Variants in FAAH2 observed in about 807,000 individuals in gnomAD.
FAAH2 encodes fatty acid amide hydrolase 2, also known as fatty-acid amide hydrolase 2.
A neutral mutation model predicts 36.9 loss-of-function variants in FAAH2; 60 were observed. That is an observed-to-expected ratio of 1.63 (90% confidence interval 1.32 to 2.02). The LOEUF (loss-of-function observed/expected upper bound fraction) is 2.02. Ranked by LOEUF, FAAH2 falls within the 30% of genes most tolerant of loss-of-function variation. The pLI, the probability that FAAH2 is intolerant of heterozygous loss-of-function variation, is 0.00. For missense variants in FAAH2, 689 were observed against 397.5 expected (o/e 1.73, Z -6.23); for synonymous variants, 214 against 143.8 (o/e 1.49, Z -3.49).
the FAAH2 span, among the ~76,000 whole-genome samples, chrX:57,208,585 G>A: frequency 2.7e-5 from 3 of 111,664 alleles, no homozygotes; most frequent in South Asian, 7.6e-4. Flanking sequence ...ACTCAGCAGC[G>A]CTAGAGGAAT....
the FAAH2 span, among the ~76,000 whole-genome samples, chrX:57,270,884 A>G: frequency 1.8e-5 from 2 of 112,191 alleles, no homozygotes; most frequent in Non-Finnish European, 3.8e-5. Flanking sequence ...GGTTTCAAGC[A>G]CAAAACTGGG....
chrX:57,488,326 A>T (rs2057511185), intron 10 of FAAH2, among the ~76,000 whole-genome samples: 2 of 112,196 alleles, frequency 1.8e-5, no homozygotes, highest in South Asian at 7.2e-4. Context: ...TTTATAGCTT[A>T]AAAGAAAATC....
intron 10 of FAAH2, among the ~76,000 whole-genome samples, chrX:57,463,764 T>C (rs931026345): frequency 2.7e-5 from 3 of 111,614 alleles, no homozygotes; most frequent in Non-Finnish European, 5.7e-5. Flanking sequence ...CAGTTGCTGG[T>C]CAGGATGTGG....
At chrX:57,481,072 GC>G (rs1333363075) in intron 10 of FAAH2, among the ~76,000 whole-genome samples, 2 of 108,939 alleles carry the variant, frequency 1.8e-5, no homozygotes, top group Non-Finnish European at 3.8e-5. Flanking sequence ...AAGTTCTCAT[GC>G]TTTTTTTCAG....
chrX:57,465,165 G>T (rs1298699088), intron 10 of FAAH2, among the ~76,000 whole-genome samples: 1 of 111,651 alleles, frequency 9.0e-6, no homozygotes, highest in Non-Finnish European at 1.9e-5. Context: ...GAAAGAATCA[G>T]CAGGCTTAAT....
chrX:57,441,332 G>A (rs2056549573), intron 8 of FAAH2, among the ~76,000 whole-genome samples: 1 of 111,363 alleles, frequency 9.0e-6, no homozygotes, highest in African/African-American at 3.3e-5. Flanking sequence ...AGTCTTGGGA[G>A]GGTGTGTGTG....
chrX:57,247,675 G>A, the FAAH2 span, among the ~76,000 whole-genome samples: 1 of 112,056 alleles, frequency 8.9e-6, no homozygotes, highest in Non-Finnish European at 1.9e-5. Flanking sequence ...ATTCCAGGCT[G>A]TAAGACAGGG....
At position 57,419,727 on chromosome X, in the gene FAAH2, A is replaced by G. The variant is rs200378030; in HGVS notation, c.997-12191A>G. On this transcript the variant is annotated intron_variant, in intron 7 of 10. Coordinates refer to ENST00000374900, the MANE Select transcript of FAAH2 (RefSeq NM_174912.4). The stretch of plus-strand genomic sequence containing the variant: ...TGCAGAAGCTCTTGAGTTTAATTAG[A>G]TCCCATTTGTCAATTTAGGTTTTTG... 2.1e-4 allele frequency among the ~76,000 whole-genome samples: 23 copies of G among 111,485 alleles called. No individual in the cohort carries two copies. The East Asian group carries it at 6.5e-3, about 32-fold the overall frequency.
rs1264637627 is a variant in FAAH2, at chrX:57,365,064, G to T, written c.743-13587G>T. Among the ~76,000 whole-genome samples, 5 of 111,744 alleles carry T rather than the reference G, an allele frequency of 4.5e-5. No homozygotes were observed. In the East Asian group the frequency reaches 1.4e-3, roughly 31 times the overall value. On this transcript the variant is annotated intron_variant, in intron 5 of 10. Transcript: ENST00000374900. ...ATAGCTATTAGGTCCAATTGATCAAGTATAAAGATTTATTCCAGAATACCT... is the reference window on the plus strand; with the variant it reads ...ATAGCTATTAGGTCCAATTGATCAATTATAAAGATTTATTCCAGAATACCT...
At chrX:57,158,696 T>C in the FAAH2 span, among the ~76,000 whole-genome samples, 1 of 112,108 alleles carries the variant, frequency 8.9e-6, no homozygotes, top group Non-Finnish European at 1.9e-5. Context: ...GATGGGGTTG[T>C]TTTTTTCTTG....
chrX:57,285,945 G>C (rs764141432), upstream of FAAH2, among the ~76,000 whole-genome samples: 1 of 112,096 alleles, frequency 8.9e-6, no homozygotes, highest in Non-Finnish European at 1.9e-5. Flanking sequence ...GCCAGACTGA[G>C]TTGAGAAGGA....
intron 7 of FAAH2, among the ~76,000 whole-genome samples, chrX:57,387,574 TAA>T (rs1348798905): frequency 1.8e-5 from 2 of 111,458 alleles, no homozygotes; most frequent in African/African-American, 6.5e-5. Context: ...AGAACTTTAC[TAA>T]GAGTCCTAAA....
At chrX:57,351,137 G>A (rs188161084) in intron 5 of FAAH2, among the ~76,000 whole-genome samples, 108 of 111,338 alleles carry the variant, frequency 9.7e-4, no homozygotes, top group African/African-American at 3.3e-3. Context: ...ATTATATCAA[G>A]TATCTTTTCA....
intron 7 of FAAH2, chrX:57,394,665 A>G: frequency 2.1e-6 from 2 of 937,190 alleles, no homozygotes; most frequent in Admixed American, 2.2e-5. Context: ...ATCACCCACA[A>G]CTTTTCTCCC....
At chrX:57,452,160 T>C in intron 10 of FAAH2, 1 of 754,360 alleles carries the variant, frequency 1.3e-6, no homozygotes, top group Non-Finnish European at 1.6e-6. Context: ...TCTTGGACCA[T>C]TTATATCCTG....
rs377358082 is a variant in FAAH2, at chrX:57,363,930, A to G, written c.743-14721A>G. Reference sequence around the variant, plus strand: ...GAATAAGACATTAATTACCTTCTTTATATGCTTCAGGATTTCATTTGCTAG... The same window carrying G: ...GAATAAGACATTAATTACCTTCTTTGTATGCTTCAGGATTTCATTTGCTAG... On this transcript the variant is annotated intron_variant, in intron 5 of 10. Coordinates refer to ENST00000374900, the MANE Select transcript of FAAH2 (RefSeq NM_174912.4). Among the ~76,000 whole-genome samples, 12 of 104,281 alleles carry G rather than the reference A, an allele frequency of 1.2e-4. No individual in the cohort carries two copies. The East Asian group carries it at 2.2e-3, about 19-fold the overall frequency. 90.6% of individuals were successfully genotyped at this position (104,281 alleles called of 115,157 possible). A position where few individuals can be genotyped will look rare whatever the true frequency, so the allele number is the denominator to read the frequency against.
intron 5 of FAAH2, among the ~76,000 whole-genome samples, chrX:57,352,784 A>C (rs960726973): frequency 8.1e-5 from 9 of 111,424 alleles, no homozygotes; most frequent in Non-Finnish European, 1.7e-4. Flanking sequence ...AAGAATCAGC[A>C]CACAAAATCA....
the FAAH2 span, among the ~76,000 whole-genome samples, chrX:57,170,878 T>TTA: frequency 9.1e-6 from 1 of 109,784 alleles, no homozygotes; most frequent in African/African-American, 3.3e-5. Context: ...CTATTTTTTT[T>TTA]TTTATATTTT....
upstream of FAAH2, among the ~76,000 whole-genome samples, chrX:57,285,962 G>A (rs982892309): frequency 2.7e-5 from 3 of 111,856 alleles, no homozygotes; most frequent in Non-Finnish European, 5.6e-5. Context: ...AGGAAGGGCT[G>A]GATTCTGTCA....
Sources: gnomAD v4.1 joint callset for allele counts (sites outside exome capture counted in the v4.1 genomes callset) on GRCh38, gnomAD v4.1.1 for gene constraint, MANE v1.5 for transcripts, NCBI Gene and HGNC (gene_info 2026-07-23, HGNC 2026-07-21) for gene names.